The following LINGO2 variants were observed in gnomAD, a reference collection of about 807,000 sequenced individuals.
LINGO2 encodes leucine rich repeat and Ig domain containing 2.
Under a neutral mutation model 30.6 loss-of-function variants are expected in LINGO2, and 14 were observed. That is an observed-to-expected ratio of 0.46 (90% CI 0.30 to 0.72). LINGO2 has a LOEUF of 0.72. Ranked by LOEUF, LINGO2 falls within the 30% of genes least tolerant of loss-of-function variation. LINGO2 has a pLI of 0.07. For synonymous variants in LINGO2, 317 were observed against 288.5 expected (o/e 1.10, Z -1.00); for missense variants, 729 against 751.7 (o/e 0.97, Z 0.35).
intron 1 of LINGO2, among the ~76,000 whole-genome samples, chr9:28,573,027 G>T (rs1375764393): frequency 6.6e-6 from 1 of 152,074 alleles, no homozygotes; most frequent in Non-Finnish European, 1.5e-5. Context: ...ATACACAAAG[G>T]TGTATTCTGT....
chr9:28,384,739 A>C (rs1821508244), intron 2 of LINGO2, among the ~76,000 whole-genome samples: 1 of 152,014 alleles, frequency 6.6e-6, no homozygotes, highest in African/African-American at 2.4e-5. Flanking sequence ...AACATCCCCT[A>C]AGATTTTAAA....
At chr9:28,205,799 C>G (rs2133837583) in intron 4 of LINGO2, among the ~76,000 whole-genome samples, 1 of 152,222 alleles carries the variant, frequency 6.6e-6, no homozygotes, top group African/African-American at 2.4e-5. Flanking sequence ...TCTCCATTTC[C>G]TTTTGTTCCA....
chr9:29,099,446 A>G, the LINGO2 span, among the ~76,000 whole-genome samples: 1 of 152,194 alleles, frequency 6.6e-6, no homozygotes, highest in Non-Finnish European at 1.5e-5. Context: ...TGAAGATACA[A>G]CCCATAGAAT....
Position 28,550,753 on chromosome 9 carries a change from A to G in LINGO2, c.-364-74728T>C, listed in dbSNP as rs552002575. On this transcript the variant is annotated intron_variant, in intron 1 of 5. Transcript: ENST00000379992. ...AACACCAGTGAAAAATAGATGAACTAAAGCTACATGCATCAATGTAAGGAG... is the reference window on the plus strand; with the variant it reads ...AACACCAGTGAAAAATAGATGAACTGAAGCTACATGCATCAATGTAAGGAG... 2.6e-5 allele frequency among the ~76,000 whole-genome samples: 4 copies of G among 152,034 alleles called. No individual in the cohort carries two copies. The East Asian group carries it at 7.7e-4, about 29-fold the overall frequency.
At position 28,658,877 on chromosome 9, in the gene LINGO2, T is replaced by C. The variant is rs138807661; in HGVS notation, c.-365+11323A>G. The stretch of plus-strand genomic sequence containing the variant: ...ATGGTTATGAAAAACACATTATTAG[T>C]TTAAGGGAAATCATATGAATGTATC... On this transcript the variant is annotated intron_variant, in intron 1 of 5. Transcript: ENST00000379992. 2.7e-3 allele frequency among the ~76,000 whole-genome samples: 414 copies of C among 152,190 alleles called. 2 individuals are homozygous for C. The highest frequency in any genetic ancestry group is 9.5e-3 in the African/African-American group (396 of 41,542).
chr9:28,874,485 A>C, the LINGO2 span, among the ~76,000 whole-genome samples: 3 of 152,100 alleles, frequency 2.0e-5, no homozygotes, highest in African/African-American at 7.2e-5. Context: ...TTTGTACTGT[A>C]ATTATATAAA....
At chr9:29,188,833 ACCCCC>A in the LINGO2 span, among the ~76,000 whole-genome samples, 1 of 95,914 alleles carries the variant, frequency 1.0e-5, no homozygotes, top group African/African-American at 4.3e-5. Flanking sequence ...CCGGGGGCTG[ACCCCC>A]CCGCCACCTT....
At chr9:29,094,909 C>A in the LINGO2 span, among the ~76,000 whole-genome samples, 1 of 138,420 alleles carries the variant, frequency 7.2e-6, no homozygotes, top group African/African-American at 2.7e-5. Flanking sequence ...TTAGGTATAT[C>A]TCTTTTTGAG....
the LINGO2 span, among the ~76,000 whole-genome samples, chr9:29,154,508 A>G: frequency 6.6e-6 from 1 of 152,120 alleles, no homozygotes; most frequent in East Asian, 1.9e-4. Context: ...GGAATCTGTA[A>G]GAGCAACAGC....
intron 1 of LINGO2, among the ~76,000 whole-genome samples, chr9:28,495,899 C>T (rs1819604276): frequency 6.6e-6 from 1 of 152,108 alleles, no homozygotes; most frequent in Non-Finnish European, 1.5e-5. Context: ...TTTATTTCTG[C>T]CTTAATTTCA....
the LINGO2 span, among the ~76,000 whole-genome samples, chr9:28,733,320 A>G: frequency 1.3e-5 from 2 of 152,150 alleles, no homozygotes; most frequent in African/African-American, 4.8e-5. Flanking sequence ...AAGAGATACA[A>G]GCCATATTTG....
At chr9:28,978,061 T>G in the LINGO2 span, among the ~76,000 whole-genome samples, 9 of 152,282 alleles carry the variant, frequency 5.9e-5, no homozygotes, top group Middle Eastern at 6.8e-3. Context: ...AGAAAAGTTA[T>G]ATTGATGTAA....
chr9:28,518,925 T>C (rs571369942), intron 1 of LINGO2, among the ~76,000 whole-genome samples: 1 of 152,326 alleles, frequency 6.6e-6, no homozygotes. Flanking sequence ...TTTATCTAAC[T>C]TGTGTTGTAC....
At chr9:28,544,470 CTGT>C (rs1414171655) in intron 1 of LINGO2, among the ~76,000 whole-genome samples, 1 of 152,048 alleles carries the variant, frequency 6.6e-6, no homozygotes, top group African/African-American at 2.4e-5. Context: ...CGAACCCTCT[CTGT>C]TGTTGATTAC....
chr9:28,065,476 T>A (rs1272930013), intron 4 of LINGO2, among the ~76,000 whole-genome samples: 2 of 152,150 alleles, frequency 1.3e-5, no homozygotes, highest in Non-Finnish European at 2.9e-5. Context: ...AAACGGGCAG[T>A]GATTTACATT....
chr9:28,666,994 T>TTAAA lies in LINGO2; in HGVS notation c.-365+3202_-365+3205dup, dbSNP rs1211056289. The stretch of plus-strand genomic sequence containing the variant: ...ATAGCTTAAAAAGTATCACTTAGTA[T>TTAAA]TAAATAAAATGTATATAAAGGCTAT... On this transcript the variant is annotated intron_variant, in intron 1 of 5. Coordinates refer to ENST00000379992, the Ensembl canonical transcript of LINGO2. Among the ~76,000 whole-genome samples, 12 of 152,276 alleles carry TTAAA rather than the reference T, an allele frequency of 7.9e-5. No homozygotes were observed. In the East Asian group the frequency reaches 2.3e-3, roughly 29 times the overall value.
intron 4 of LINGO2, among the ~76,000 whole-genome samples, chr9:28,064,229 A>G (rs1825241646): frequency 6.6e-6 from 1 of 152,112 alleles, no homozygotes; most frequent in Non-Finnish European, 1.5e-5. Flanking sequence ...ATTTCAGGGT[A>G]GATTGCCATT....
the LINGO2 span, among the ~76,000 whole-genome samples, chr9:29,133,688 G>A: frequency 1.3e-5 from 2 of 152,072 alleles, no homozygotes; most frequent in Non-Finnish European, 1.5e-5. Context: ...TGAAACATTT[G>A]TCAGAAATAG....
At chr9:28,030,241 A>T (rs1443704901) in intron 4 of LINGO2, among the ~76,000 whole-genome samples, 1 of 152,182 alleles carries the variant, frequency 6.6e-6, no homozygotes, top group Non-Finnish European at 1.5e-5. Context: ...TTGGAACATG[A>T]GAAAACACTT....
Sources: gnomAD v4.1 joint callset for allele counts (sites outside exome capture counted in the v4.1 genomes callset) on GRCh38, gnomAD v4.1.1 for gene constraint, MANE v1.5 for transcripts, NCBI Gene and HGNC (gene_info 2026-07-23, HGNC 2026-07-21) for gene names.